CRACDL: variants seen among roughly 807,000 people sequenced by gnomAD.
CRACDL encodes the protein CRACD like.
CRACDL carries 26 observed loss-of-function variants against 70.6 expected under a neutral mutation model. That is an observed-to-expected ratio of 0.37 (90% CI 0.27 to 0.51). The LOEUF (loss-of-function observed/expected upper bound fraction) is 0.51. CRACDL is among the 20% of genes least tolerant of loss of function. The pLI is 0.94. For missense variants in CRACDL, 1,283 were observed against 1,376.9 expected, an observed-to-expected ratio of 0.93 and a Z score of 1.08; for synonymous variants, 618 against 615.2, an observed-to-expected ratio of 1.00 and a Z score of -0.07.
At chr2:98,934,380 A>C (rs1260651174) in intron 1 of CRACDL, among the ~76,000 whole-genome samples, 1 of 152,064 alleles carries the variant, frequency 6.6e-6, no homozygotes, top group Non-Finnish European at 1.5e-5. Context: ...TTTTTAGTAG[A>C]GTCAGGGCTT....
At chr2:98,869,283 G>C (rs1707258277) in intron 1 of CRACDL, 1 of 1,226,596 alleles carries the variant, frequency 8.2e-7, no homozygotes, top group Admixed American at 2.8e-5. Context: ...CCGTGCGCCA[G>C]GAGGAAGTGG....
At chr2:98,907,797 A>T (rs1708450047) in intron 1 of CRACDL, among the ~76,000 whole-genome samples, 1 of 152,226 alleles carries the variant, frequency 6.6e-6, no homozygotes, top group Admixed American at 6.5e-5. Flanking sequence ...GATATTCATT[A>T]TGCCATCATG....
intron 1 of CRACDL, among the ~76,000 whole-genome samples, chr2:98,910,382 A>G (rs946792407): frequency 5.3e-5 from 8 of 152,074 alleles, no homozygotes; most frequent in Middle Eastern, 3.4e-3. Flanking sequence ...TTAGCTGGGC[A>G]TGGTGGTGCA....
chr2:98,810,070 G>C (rs536614696), intron 7 of CRACDL, among the ~76,000 whole-genome samples: 5 of 152,122 alleles, frequency 3.3e-5, no homozygotes, highest in Admixed American at 1.3e-4. Context: ...TGGTCATGCA[G>C]ACACAGCCTG....
chr2:98,917,497 A>G (rs1336737795), intron 1 of CRACDL, among the ~76,000 whole-genome samples: 1 of 152,214 alleles, frequency 6.6e-6, no homozygotes, highest in Non-Finnish European at 1.5e-5. Context: ...GTTCACAAAA[A>G]CAAACAAACA....
At chr2:98,899,594 C>A (rs1352400471) in intron 1 of CRACDL, among the ~76,000 whole-genome samples, 1 of 151,922 alleles carries the variant, frequency 6.6e-6, no homozygotes, top group South Asian at 2.1e-4. Flanking sequence ...TGGCAAAGAG[C>A]AAGATGTGCT....
Position 98,902,059 on chromosome 2 carries a change from A to G in CRACDL, c.-11+33879T>C, listed in dbSNP as rs187541091. On this transcript the variant is annotated intron_variant, in intron 1 of 9. Coordinates refer to ENST00000397899, the MANE Select transcript of CRACDL (RefSeq NM_207362.3). ...TCAGAAAAGGCCATTCTCCACTGTA[A>G]AAAGTTCCAAAGGTCTACAAAGGGA... 1.4e-4 allele frequency among the ~76,000 whole-genome samples: 21 copies of G among 152,284 alleles called. 1 individual carries two copies. Among genetic ancestry groups the G allele is most frequent in the African/African-American group, 5.1e-4 (21 of 41,564 alleles).
At chr2:98,848,820 T>A (rs914404463) in intron 1 of CRACDL, among the ~76,000 whole-genome samples, 2 of 152,222 alleles carry the variant, frequency 1.3e-5, no homozygotes, top group African/African-American at 4.8e-5. Flanking sequence ...ACTCTTGAGC[T>A]CAAGCAATCT....
At chr2:98,835,322 T>C (rs1308815411) in intron 3 of CRACDL, among the ~76,000 whole-genome samples, 1 of 152,222 alleles carries the variant, frequency 6.6e-6, no homozygotes, top group Non-Finnish European at 1.5e-5. Flanking sequence ...GACTGAGGTC[T>C]TTAAAAGCCA....
intron 1 of CRACDL, among the ~76,000 whole-genome samples, chr2:98,892,568 T>C (rs900465851): frequency 1.3e-5 from 2 of 151,794 alleles, no homozygotes; most frequent in Non-Finnish European, 2.9e-5. Flanking sequence ...CAGGCACCTG[T>C]AGTCCTAGCT....
chr2:98,912,657 C>G (rs1708572215), intron 1 of CRACDL: 1 of 152,496 alleles, frequency 6.6e-6, no homozygotes, highest in African/African-American at 2.4e-5. Context: ...CAGCCTCCCC[C>G]TCCCCATTGC....
intron 7 of CRACDL, among the ~76,000 whole-genome samples, chr2:98,817,381 T>C (rs1704827699): frequency 6.6e-6 from 1 of 152,154 alleles, no homozygotes; most frequent in Non-Finnish European, 1.5e-5. Context: ...TAAAATGAAA[T>C]TTTAAAAATT....
Position 98,794,577 on chromosome 2 carries a change from T to C in CRACDL, c.2844A>G (p.Arg948=), listed in dbSNP as rs757788858. The change falls in exon 10 of 10, where the codon AGA becomes AGG. Residue 948 remains arginine (R), a synonymous_variant. Transcript: ENST00000397899. ...TGTCACTCCAAGCTTGAGATTTCTT[T>C]CTGGCAAGTTCCATCCAGGATGGCT... ...TDQPSWMELA[R]KKSQAWSDMP... is the part of the protein sequence containing the mutation. 16 of 1,614,054 alleles carry C rather than the reference T, an allele frequency of 9.9e-6. No individual in the cohort carries two copies. The Admixed American group carries it at 2.7e-4, about 27-fold the overall frequency.
In CRACDL at chr2:98,823,016, G is replaced by A. The variant is rs769055823; in HGVS notation, c.1257C>T (p.Ala419=). The A allele has an allele frequency of 8.2e-5, 124 of 1,518,934 alleles. No homozygotes were observed. Among genetic ancestry groups the A allele is most frequent in the Non-Finnish European group, 1.1e-4 (123 of 1,133,782 alleles). The allele number at this position is 1,518,934 out of a possible 1,614,324, so 94.1% of individuals were successfully genotyped here. Residue 419 remains alanine (A), a synonymous_variant, in exon 7 of 10, where the codon GCC becomes GCT. Coordinates refer to ENST00000397899, the MANE Select transcript of CRACDL (RefSeq NM_207362.3). This position sits in a 1 kb window ranked among gnomAD's most constrained non-coding sequence, Gnocchi z 4.0. ...GDTTPPETDP[A]ATSEAPSARD... ...GAGCAGAGGGCGCCTCTGAGGTGGC[G>A]GCGGGGTCAGTCTCGGGGGGAGTCG... is the stretch of plus-strand genomic sequence containing the variant.
chr2:98,864,121 C>T (rs1036169499), intron 1 of CRACDL, among the ~76,000 whole-genome samples: 4 of 152,002 alleles, frequency 2.6e-5, no homozygotes, highest in African/African-American at 9.7e-5. Flanking sequence ...TTCATAGCAG[C>T]ATTATTTATA....
intron 7 of CRACDL, among the ~76,000 whole-genome samples, chr2:98,811,293 C>T (rs577627477): frequency 6.6e-6 from 1 of 151,644 alleles, no homozygotes; most frequent in Non-Finnish European, 1.5e-5. Context: ...GGGCGGATCA[C>T]GAGGTCAGGA....
chr2:98,819,306 T>A (rs1316716037), intron 7 of CRACDL, among the ~76,000 whole-genome samples: 1 of 152,226 alleles, frequency 6.6e-6, no homozygotes, highest in Non-Finnish European at 1.5e-5. Context: ...TTAAGTTCCA[T>A]TCATTTAGCA....
intron 1 of CRACDL, among the ~76,000 whole-genome samples, chr2:98,874,139 A>G (rs116537197): frequency 1.3e-3 from 204 of 152,386 alleles, no homozygotes; most frequent in African/African-American, 4.7e-3. Flanking sequence ...TATTGTTAAC[A>G]ATGATCAGAA....
chr2:98,856,823 G>A (rs1370545105), intron 1 of CRACDL, among the ~76,000 whole-genome samples: 1 of 152,160 alleles, frequency 6.6e-6, no homozygotes, highest in East Asian at 1.9e-4. Flanking sequence ...GAGAAGGATG[G>A]TCCCTGCAAC....
Sources: allele counts gnomAD v4.1 joint callset (sites outside exome capture counted in the v4.1 genomes callset), GRCh38; gene constraint gnomAD v4.1.1; non-coding constraint Gnocchi (gnomAD v3.1); transcripts MANE v1.5; gene names NCBI Gene and HGNC (gene_info 2026-07-23, HGNC 2026-07-21).